The following DIAPH3 variants were observed in gnomAD, a reference collection of about 807,000 sequenced individuals.
DIAPH3 encodes the protein protein diaphanous homolog 3.
DIAPH3 carries 117 observed loss-of-function variants against 144.3 expected under a neutral mutation model. The ratio of observed to expected loss-of-function variants is 0.81; its 90% CI spans 0.70 to 0.95. DIAPH3 has a LOEUF of 0.95. DIAPH3 is among the 40% of genes least tolerant of loss of function. The pLI, the probability that DIAPH3 is intolerant of heterozygous loss-of-function variation, is 0.00. For missense variants in DIAPH3, 1,421 were observed against 1,412.7 expected, an observed-to-expected ratio of 1.01 and a Z score of -0.09; for synonymous variants, 519 against 488.9, an observed-to-expected ratio of 1.06 and a Z score of -0.81.
At chr13:60,048,227 T>C (rs2141231410) in intron 4 of DIAPH3, among the ~76,000 whole-genome samples, 1 of 152,194 alleles carries the variant, frequency 6.6e-6, no homozygotes, top group Admixed American at 6.5e-5. Context: ...ATGGGATGGG[T>C]AAAGAGCAAT....
chr13:60,045,282 G>A (rs1281936112), intron 4 of DIAPH3, among the ~76,000 whole-genome samples: 1 of 151,796 alleles, frequency 6.6e-6, no homozygotes, highest in Non-Finnish European at 1.5e-5. Flanking sequence ...GAAGGTTGAG[G>A]TGAGCAGAGA....
chr13:60,137,896 G>T (rs2059331352), intron 1 of DIAPH3, among the ~76,000 whole-genome samples: 1 of 151,824 alleles, frequency 6.6e-6, no homozygotes, highest in Admixed American at 6.6e-5. Context: ...GCTAATTTTT[G>T]TATTTTTAGT....
intron 27 of DIAPH3, among the ~76,000 whole-genome samples, chr13:59,721,004 T>C (rs2035315652): frequency 6.6e-6 from 1 of 152,222 alleles, no homozygotes; most frequent in Non-Finnish European, 1.5e-5. Flanking sequence ...TTCTAATATT[T>C]GTATTCTATT....
chr13:59,946,229 T>C (rs186909840), intron 17 of DIAPH3, among the ~76,000 whole-genome samples: 59 of 152,186 alleles, frequency 3.9e-4, no homozygotes, highest in Non-Finnish European at 7.4e-4. Flanking sequence ...GTACTTCTGT[T>C]ACATGTTGCA....
At chr13:59,763,547 GGTGGTACGTGCCT>G (rs1449514735) in intron 27 of DIAPH3, among the ~76,000 whole-genome samples, 1 of 152,068 alleles carries the variant, frequency 6.6e-6, no homozygotes, top group African/African-American at 2.4e-5. Flanking sequence ...AGCTAGGCAT[GGTGGTACGTGCCT>G]GTAGTCCCAG....
intron 21 of DIAPH3, among the ~76,000 whole-genome samples, chr13:59,878,294 A>AG (rs2044761987): frequency 6.6e-6 from 1 of 152,150 alleles, no homozygotes; most frequent in South Asian, 2.1e-4. Context: ...GATGGGGCAA[A>AG]GGAAACACTC....
At chr13:60,017,638 G>A (rs970259606) in intron 5 of DIAPH3, among the ~76,000 whole-genome samples, 2 of 152,072 alleles carry the variant, frequency 1.3e-5, no homozygotes, top group African/African-American at 4.8e-5. Context: ...ACCTATCAAT[G>A]TTGAGGATTT....
At chr13:59,831,575 A>G (rs570984784) in intron 24 of DIAPH3, among the ~76,000 whole-genome samples, 156 of 152,020 alleles carry the variant, frequency 1.0e-3, no homozygotes, top group African/African-American at 3.5e-3. Context: ...GACTAATTTT[A>G]GCTATTCTAT....
chr13:59,896,038 A>G (rs1314405254), intron 20 of DIAPH3, among the ~76,000 whole-genome samples: 1 of 152,196 alleles, frequency 6.6e-6, no homozygotes, highest in Non-Finnish European at 1.5e-5. Flanking sequence ...TTGCCAATAT[A>G]TCAAGAACTC....
chr13:59,962,693 C>T (rs113765079), intron 17 of DIAPH3, among the ~76,000 whole-genome samples: 6 of 152,114 alleles, frequency 3.9e-5, no homozygotes, highest in Middle Eastern at 3.4e-3. Flanking sequence ...TTTTCCCGCC[C>T]GGTCTTGCAT....
At chr13:59,927,380 T>C (rs767801197) in intron 17 of DIAPH3, among the ~76,000 whole-genome samples, 2 of 152,220 alleles carry the variant, frequency 1.3e-5, no homozygotes, top group Non-Finnish European at 2.9e-5. Context: ...CTAATTGTTT[T>C]GTATATCCTT....
At chr13:59,914,790 A>T (rs1179611784) in intron 19 of DIAPH3, among the ~76,000 whole-genome samples, 1 of 152,194 alleles carries the variant, frequency 6.6e-6, no homozygotes, top group East Asian at 1.9e-4. Flanking sequence ...ACGAAAAGAA[A>T]CACAGGTCAT....
chr13:59,999,785 G>C (rs2052416130), intron 9 of DIAPH3, among the ~76,000 whole-genome samples: 2 of 152,022 alleles, frequency 1.3e-5, no homozygotes, highest in South Asian at 4.2e-4. Flanking sequence ...CATTGAGTTT[G>C]ACAGTTCTCC....
intron 25 of DIAPH3, among the ~76,000 whole-genome samples, chr13:59,794,129 T>C (rs1006790797): frequency 2.0e-5 from 3 of 152,220 alleles, no homozygotes; most frequent in Non-Finnish European, 4.4e-5. Flanking sequence ...ACTATAAGTG[T>C]TCTGGAATGT....
chr13:60,147,126 G>A (rs1440455271), intron 1 of DIAPH3: 4 of 152,134 alleles, frequency 2.6e-5, no homozygotes, highest in Admixed American at 6.5e-5. Flanking sequence ...AGGCCCATAG[G>A]TAGTCCCTTT....
Position 60,163,757 on chromosome 13 carries a change from GC to G in DIAPH3, c.9del (p.His4ThrfsTer59). ...GCCGGGTGGTGCAGCCGCGGCTGGT[GC>G]CGTTCCATCTTTCCCCGCAGCTCCG... MERHQPRLHHPAQ... is the reference protein window; with the variant it reads MEXHQPRLHHPAQ... On this transcript the variant is annotated frameshift_variant, in exon 1 of 28. Transcript: ENST00000400324. LOFTEE classifies it high-confidence loss of function. 6.3e-7 allele frequency: 1 copy of G among 1,588,746 alleles called. No homozygotes were observed. Among genetic ancestry groups the G allele is most frequent in the Non-Finnish European group, 8.6e-7 (1 of 1,168,764 alleles).
chr13:59,834,508 C>T (rs2041942705), intron 23 of DIAPH3, among the ~76,000 whole-genome samples: 1 of 151,526 alleles, frequency 6.6e-6, no homozygotes, highest in Admixed American at 6.6e-5. Flanking sequence ...GAACTTACAT[C>T]AGTAGAGGAT....
At chr13:59,903,362 G>C (rs17729011) in intron 20 of DIAPH3, among the ~76,000 whole-genome samples, 8,769 of 152,044 alleles carry the variant, frequency 0.058, 297 homozygotes, top group Admixed American at 0.1. Context: ...ACCTATCTTG[G>C]TCAATGTTTT....
At chr13:60,058,790 G>A (rs2056654001) in intron 4 of DIAPH3, among the ~76,000 whole-genome samples, 1 of 151,950 alleles carries the variant, frequency 6.6e-6, no homozygotes, top group Admixed American at 6.6e-5. Context: ...TTCTATGTAA[G>A]TAACTCAGGA....
Sources: allele counts gnomAD v4.1 joint callset (sites outside exome capture counted in the v4.1 genomes callset), GRCh38; gene constraint gnomAD v4.1.1; transcripts MANE v1.5; gene names NCBI Gene and HGNC (gene_info 2026-07-23, HGNC 2026-07-21).